CSMD1: variants seen among roughly 807,000 people sequenced by gnomAD.
The protein encoded by CSMD1 is CUB and Sushi multiple domains 1.
A neutral mutation model predicts 417.5 loss-of-function variants in CSMD1; 213 were observed. The observed-to-expected ratio is 0.51, with a 90% CI of 0.46 to 0.57. The LOEUF (loss-of-function observed/expected upper bound fraction) is 0.57, where lower values mean the gene tolerates loss of function less well. Among genes scored for constraint, CSMD1 ranks in the 20% least tolerant of loss-of-function variants. The pLI, the probability that CSMD1 is intolerant of heterozygous loss-of-function variation, is 0.00. For missense variants in CSMD1, 6,923 were observed against 4,529.7 expected (o/e 1.53, Z -15.17); for synonymous variants, 2,862 against 1,736.8 (o/e 1.65, Z -16.11).
chr8:4,262,402 C>G (rs1005233129), intron 3 of CSMD1, among the ~76,000 whole-genome samples: 1 of 152,170 alleles, frequency 6.6e-6, no homozygotes, highest in Non-Finnish European at 1.5e-5. Context: ...AGAATAAAGG[C>G]AGGTTTGTGG....
chr8:3,138,096 G>T (rs1356281059), intron 41 of CSMD1, among the ~76,000 whole-genome samples: 1 of 152,056 alleles, frequency 6.6e-6, no homozygotes, highest in Admixed American at 6.6e-5. Context: ...CATGGTGGCG[G>T]GTGCCTGTAA....
chr8:3,635,721 G>A (rs370578257), intron 7 of CSMD1, among the ~76,000 whole-genome samples: 13 of 144,182 alleles, frequency 9.0e-5, no homozygotes, highest in East Asian at 2.1e-4. Flanking sequence ...CTGACCTCGT[G>A]ATCTGCCCGC....
chr8:4,528,917 T>C (rs1020246814), intron 2 of CSMD1, among the ~76,000 whole-genome samples: 1 of 152,106 alleles, frequency 6.6e-6, no homozygotes, highest in South Asian at 2.1e-4. Flanking sequence ...TTAGCTTGAG[T>C]TCAAGGAGTC....
At chr8:4,359,638 G>C (rs1801636627) in intron 3 of CSMD1, among the ~76,000 whole-genome samples, 1 of 152,162 alleles carries the variant, frequency 6.6e-6, no homozygotes, top group Non-Finnish European at 1.5e-5. Context: ...TTTGAGTCAT[G>C]CTCCCCTTGC....
intron 3 of CSMD1, among the ~76,000 whole-genome samples, chr8:4,380,457 C>T (rs565744779): frequency 1.3e-5 from 2 of 152,286 alleles, no homozygotes; most frequent in Non-Finnish European, 2.9e-5. Flanking sequence ...TACCAGTCGG[C>T]CTCCAATCTG....
chr8:4,515,388 T>G lies in CSMD1; in HGVS notation c.303-95323A>C, dbSNP rs531017188. On this transcript the variant is annotated intron_variant, in intron 2 of 69. Transcript: ENST00000635120. Reference sequence around the variant, plus strand: ...TAGTGGAGAGAGATGTTAAATGTTATGGGACCCATGAAGAGGCGTCTTTGT... The same window carrying G: ...TAGTGGAGAGAGATGTTAAATGTTAGGGGACCCATGAAGAGGCGTCTTTGT... Among the ~76,000 whole-genome samples, 6 of 152,274 alleles carry G rather than the reference T, an allele frequency of 3.9e-5. No homozygotes were observed. The East Asian group carries it at 9.7e-4, about 25-fold the overall frequency.
chr8:4,127,532 C>G (rs1213869373), intron 3 of CSMD1, among the ~76,000 whole-genome samples: 2 of 150,564 alleles, frequency 1.3e-5, no homozygotes, highest in African/African-American at 2.4e-5. Flanking sequence ...ACCAGAAACC[C>G]TTTGGTTTTC....
At chr8:4,028,841 T>C (rs1451561959) in intron 4 of CSMD1, among the ~76,000 whole-genome samples, 1 of 152,242 alleles carries the variant, frequency 6.6e-6, no homozygotes, top group Non-Finnish European at 1.5e-5. Context: ...TAGGTATGCT[T>C]TTAATTTTGT....
intron 3 of CSMD1, among the ~76,000 whole-genome samples, chr8:4,237,933 G>A (rs569989572): frequency 1.1e-4 from 16 of 152,286 alleles, no homozygotes; most frequent in East Asian, 3.9e-4. Context: ...TCTCACTGGC[G>A]GAGAAGCAGA....
chr8:3,792,537 T>C (rs1185536518), intron 5 of CSMD1, among the ~76,000 whole-genome samples: 2 of 152,198 alleles, frequency 1.3e-5, no homozygotes, highest in Non-Finnish European at 2.9e-5. Context: ...AATTGATTTA[T>C]TTTTCAGACT....
At chr8:3,370,726 G>A (rs1809892800) in intron 18 of CSMD1, among the ~76,000 whole-genome samples, 1 of 152,182 alleles carries the variant, frequency 6.6e-6, no homozygotes, top group South Asian at 2.1e-4. Flanking sequence ...TGTAATCCCA[G>A]CACTTTGGGA....
intron 2 of CSMD1, among the ~76,000 whole-genome samples, chr8:4,636,555 G>T (rs576089648): frequency 2.0e-5 from 3 of 152,170 alleles, no homozygotes; most frequent in East Asian, 1.9e-4. Flanking sequence ...TTGTACTCAA[G>T]AATTTATCTT....
intron 5 of CSMD1, among the ~76,000 whole-genome samples, chr8:3,940,715 A>T (rs1397099075): frequency 6.6e-6 from 1 of 151,924 alleles, no homozygotes; most frequent in African/African-American, 2.4e-5. Flanking sequence ...TACAAATTTC[A>T]TACTAGCATT....
chr8:3,212,652 C>T (rs78289832), intron 30 of CSMD1, among the ~76,000 whole-genome samples: 6,761 of 152,124 alleles, frequency 0.044, 180 homozygotes, highest in South Asian at 0.083. Context: ...CTACACCTGG[C>T]CTAAGTTCTT....
chr8:3,782,289 T>C (rs1367007759), intron 5 of CSMD1, among the ~76,000 whole-genome samples: 6 of 152,228 alleles, frequency 3.9e-5, no homozygotes, highest in Non-Finnish European at 7.3e-5. Flanking sequence ...GACTTGCTTA[T>C]ATATTTCCAT....
intron 5 of CSMD1, among the ~76,000 whole-genome samples, chr8:3,777,365 G>C (rs1327694218): frequency 6.6e-6 from 1 of 152,066 alleles, no homozygotes; most frequent in Non-Finnish European, 1.5e-5. Flanking sequence ...CTCCAGATGA[G>C]CTAACTGCTG....
At chr8:3,464,464 T>C (rs1028649345) in intron 12 of CSMD1, among the ~76,000 whole-genome samples, 1 of 151,976 alleles carries the variant, frequency 6.6e-6, no homozygotes, top group South Asian at 2.1e-4. Context: ...ATATATATTT[T>C]ATTTTCAAAT....
At chr8:3,394,632 G>C (rs1360299327) in intron 17 of CSMD1, among the ~76,000 whole-genome samples, 9 of 146 alleles carry the variant, frequency 0.062, no homozygotes, top group Admixed American at 0.28. Context: ...GAAAAAGTTG[G>C]GGGGAGGGGT....
rs533323642 is a variant in CSMD1, at chr8:4,338,387, C to T, written c.415+81566G>A. Among the ~76,000 whole-genome samples the T allele has an allele frequency of 2.0e-5, 3 of 152,168 alleles. No individual in the cohort carries two copies. The South Asian group carries it at 6.2e-4, about 31-fold the overall frequency. ...AAAAATATCTTATGTTTGCAAATTA[C>T]GTAAAAGTACATACTAGTGTGGATG... On this transcript the variant is annotated intron_variant, in intron 3 of 69. Coordinates refer to ENST00000635120, the MANE Select transcript of CSMD1 (RefSeq NM_033225.6).
Sources: allele counts gnomAD v4.1 joint callset (sites outside exome capture counted in the v4.1 genomes callset), GRCh38; gene constraint gnomAD v4.1.1; transcripts MANE v1.5; gene names NCBI Gene and HGNC (gene_info 2026-07-23, HGNC 2026-07-21).